The following FGF1 variants were observed in gnomAD, a reference collection of about 807,000 sequenced individuals.
FGF1 encodes the protein beta-endothelial cell growth factor.
FGF1 carries 9 observed loss-of-function variants against 13.4 expected under a neutral mutation model. That is an observed-to-expected ratio of 0.67 (90% CI 0.40 to 1.17). FGF1 has a LOEUF of 1.17. FGF1 is among the 50% of genes most tolerant of loss of function. FGF1 has a pLI of 0.01. For missense variants in FGF1, 156 were observed against 192.7 expected, an observed-to-expected ratio of 0.81 and a Z score of 1.13; for synonymous variants, 93 against 79.0, an observed-to-expected ratio of 1.18 and a Z score of -0.94.
intron 1 of FGF1, among the ~76,000 whole-genome samples, chr5:142,642,423 C>T (rs899342588): frequency 6.6e-6 from 1 of 152,216 alleles, no homozygotes; most frequent in Admixed American, 6.5e-5. Context: ...AGAAAACTCA[C>T]ATGCCAGCAA....
In FGF1 at chr5:142,660,866, A is replaced by G. The variant is rs897867685; in HGVS notation, c.-35+25091T>C. On this transcript the variant is annotated intron_variant, in intron 1 of 3. Transcript: ENST00000337706. Reference sequence around the variant, plus strand: ...AAGCCATTTTGCAAATCTTTCCACAAATCTTGGTGGTTGAGCCAGCTGTCT... The same window carrying G: ...AAGCCATTTTGCAAATCTTTCCACAGATCTTGGTGGTTGAGCCAGCTGTCT... 2.6e-5 allele frequency among the ~76,000 whole-genome samples: 4 copies of G among 152,088 alleles called. No individual in the cohort carries two copies. In the East Asian group the frequency reaches 7.7e-4, roughly 29 times the overall value.
chr5:142,640,430 G>T (rs542775745), intron 1 of FGF1, among the ~76,000 whole-genome samples: 10 of 150,250 alleles, frequency 6.7e-5, no homozygotes, highest in Admixed American at 1.3e-4. Flanking sequence ...GTATGGTGGG[G>T]GGGGGGGTCT....
chr5:142,600,657 C>G lies in FGF1; in HGVS notation c.273+45G>C, dbSNP rs370586443. ...TCCATGTAACAAGATTTCTGGAAACCTCAAACCTTGGCCACGTCTGGAAGC... is the reference window on the plus strand; with the variant it reads ...TCCATGTAACAAGATTTCTGGAAACGTCAAACCTTGGCCACGTCTGGAAGC... On this transcript the variant is annotated intron_variant, in intron 3 of 3. Transcript: ENST00000337706. 6 of 1,384,576 alleles carry G rather than the reference C, an allele frequency of 4.3e-6. No homozygotes were observed. In the African/African-American group the frequency reaches 8.5e-5, roughly 20 times the overall value. 85.8% of individuals were successfully genotyped at this position (1,384,576 alleles called of 1,614,324 possible). A position where few individuals can be genotyped will look rare whatever the true frequency, so the allele number is the denominator to read the frequency against.
chr5:142,618,527 C>T (rs1194989106), intron 1 of FGF1, among the ~76,000 whole-genome samples: 1 of 152,052 alleles, frequency 6.6e-6, no homozygotes, highest in Non-Finnish European at 1.5e-5. Flanking sequence ...CTCGTTGGAG[C>T]CTGGTGTGAT....
chr5:142,671,415 CT>C (rs1483528578), intron 1 of FGF1, among the ~76,000 whole-genome samples: 1 of 152,160 alleles, frequency 6.6e-6, no homozygotes, highest in Non-Finnish European at 1.5e-5. Flanking sequence ...CTTTTGCCTG[CT>C]TTGTTTTTGC....
chr5:142,686,659 G>A (rs2152063068), upstream of FGF1, among the ~76,000 whole-genome samples: 1 of 152,292 alleles, frequency 6.6e-6, no homozygotes, highest in Non-Finnish European at 1.5e-5. Flanking sequence ...AGGTGTCTGT[G>A]TGTGGCAACG....
At chr5:142,649,438 G>A (rs1417325897) in intron 1 of FGF1, among the ~76,000 whole-genome samples, 8 of 150,808 alleles carry the variant, frequency 5.3e-5, no homozygotes, top group Non-Finnish European at 7.4e-5. Flanking sequence ...ACGGAGTCTC[G>A]CTTTGTCGCC....
At chr5:142,634,029 C>CTAA (rs1763827823) in intron 1 of FGF1, among the ~76,000 whole-genome samples, 2 of 144,072 alleles carry the variant, frequency 1.4e-5, no homozygotes, top group African/African-American at 5.2e-5. Flanking sequence ...CTAAAAATAC[C>CTAA]AAAAAAAAAA....
intron 1 of FGF1, among the ~76,000 whole-genome samples, chr5:142,621,914 C>T (rs1185783818): frequency 6.6e-6 from 1 of 152,218 alleles, no homozygotes; most frequent in Non-Finnish European, 1.5e-5. Flanking sequence ...TTTAGTTCAA[C>T]TCTCAATTCC....
intron 1 of FGF1, among the ~76,000 whole-genome samples, chr5:142,648,282 T>C (rs1766549049): frequency 1.3e-5 from 2 of 151,042 alleles, no homozygotes; most frequent in South Asian, 2.1e-4. Flanking sequence ...ATAGACTGGA[T>C]AAAAAAAAAT....
chr5:142,596,092 G>A (rs34004), intron 3 of FGF1, among the ~76,000 whole-genome samples: 36,748 of 152,168 alleles, frequency 0.24, 5,049 homozygotes, highest in South Asian at 0.32. Context: ...TTTATCCTAA[G>A]CATGAAACAT....
At chr5:142,623,930 A>T (rs1185862479) in intron 1 of FGF1, among the ~76,000 whole-genome samples, 1 of 150,156 alleles carries the variant, frequency 6.7e-6, no homozygotes, top group Non-Finnish European at 1.5e-5. Context: ...TTTTTGTTTG[A>T]TTGTTTGAGA....
chr5:142,625,313 G>GACACACACACAC (rs59813387), intron 1 of FGF1, among the ~76,000 whole-genome samples: 1 of 148,294 alleles, frequency 6.7e-6, no homozygotes, highest in African/African-American at 2.5e-5. Context: ...ACTACAAGCG[G>GACACACACACAC]ACACACACAC....
In FGF1 at chr5:142,595,288, C is replaced by T. The variant is rs923410105; in HGVS notation, c.*2G>A. On this transcript the variant is annotated 3_prime_UTR_variant, in exon 4 of 4. Coordinates refer to ENST00000337706, the MANE Select transcript of FGF1 (RefSeq NM_000800.5). ...AGTGGTCAACACCCAGAACAGATCT[C>T]TTTAATCAGAAGAGACTGGCAGGGG... 2 of 1,613,022 alleles carry T rather than the reference C, an allele frequency of 1.2e-6. No homozygotes were observed. Among genetic ancestry groups the T allele is most frequent in the South Asian group, 1.1e-5 (1 of 90,918 alleles).
At chr5:142,662,212 A>G (rs1769384154) in intron 1 of FGF1, among the ~76,000 whole-genome samples, 1 of 152,174 alleles carries the variant, frequency 6.6e-6, no homozygotes, top group Admixed American at 6.5e-5. Flanking sequence ...GACACTGTGA[A>G]TATACGAAAA....
intron 1 of FGF1, among the ~76,000 whole-genome samples, chr5:142,620,228 T>C (rs770759565): frequency 3.3e-5 from 5 of 152,016 alleles, no homozygotes; most frequent in Non-Finnish European, 7.4e-5. Context: ...CCATCCTGGC[T>C]AACACAGTGA....
At chr5:142,614,878 A>G (rs1759878935) in intron 1 of FGF1, among the ~76,000 whole-genome samples, 1 of 152,214 alleles carries the variant, frequency 6.6e-6, no homozygotes, top group African/African-American at 2.4e-5. Flanking sequence ...CCCATTCTGC[A>G]GCTTTCCACA....
intron 1 of FGF1, among the ~76,000 whole-genome samples, chr5:142,624,513 A>G (rs1187319284): frequency 2.0e-5 from 3 of 152,232 alleles, no homozygotes; most frequent in Non-Finnish European, 1.5e-5. Context: ...TTTTCAGTAT[A>G]TTTCATGGGT....
intron 1 of FGF1, among the ~76,000 whole-genome samples, chr5:142,614,852 C>T (rs1759871862): frequency 6.6e-6 from 1 of 152,148 alleles, no homozygotes; most frequent in Non-Finnish European, 1.5e-5. Context: ...ATTATGAAGG[C>T]TATGCCTGGT....
Sources: allele counts gnomAD v4.1 joint callset (sites outside exome capture counted in the v4.1 genomes callset), GRCh38; gene constraint gnomAD v4.1.1; transcripts MANE v1.5; gene names NCBI Gene and HGNC (gene_info 2026-07-23, HGNC 2026-07-21).